The following ZDHHC18 variants were observed in gnomAD, a reference collection of about 807,000 sequenced individuals.
ZDHHC18 encodes palmitoyltransferase ZDHHC18.
Under a neutral mutation model 37.5 loss-of-function variants are expected in ZDHHC18, and 23 were observed. The observed-to-expected ratio is 0.61, with a 90% CI of 0.44 to 0.87. The LOEUF is 0.87. ZDHHC18 is among the 40% of genes least tolerant of loss of function. The probability of loss-of-function intolerance (pLI) is 0.00; values close to 1 mark genes in which losing one functional copy is unlikely to be tolerated. For missense variants in ZDHHC18, 406 were observed against 525.6 expected (o/e 0.77, Z 2.22); for synonymous variants, 185 against 218.7 (o/e 0.85, Z 1.36).
intron 3 of ZDHHC18, among the ~76,000 whole-genome samples, chr1:26,849,503 G>T (rs371901402): frequency 6.6e-6 from 1 of 152,244 alleles, no homozygotes; most frequent in Non-Finnish European, 1.5e-5. Flanking sequence ...TGCAGTGAAG[G>T]GGGTGACTCA....
chr1:26,846,742 T>C (rs2081667947), intron 2 of ZDHHC18, among the ~76,000 whole-genome samples: 1 of 152,188 alleles, frequency 6.6e-6, no homozygotes, highest in Admixed American at 6.6e-5. Context: ...CTTATTTGCA[T>C]ATATATGTTT....
At position 26,853,706 on chromosome 1, in the gene ZDHHC18, T is replaced by C; in HGVS notation, c.1050-20T>C. The C allele has an allele frequency of 6.2e-7, 1 of 1,611,358 alleles. No individual in the cohort carries two copies. The highest frequency in any genetic ancestry group is 8.5e-7 in the Non-Finnish European group (1 of 1,177,676). On this transcript the variant is annotated intron_variant, in intron 7 of 7. Coordinates refer to ENST00000374142, the MANE Select transcript of ZDHHC18 (RefSeq NM_032283.3). ...CAGTGTTGGGCAGAGCCCTCATGTG[T>C]CTCCCTTGTGTTTTGGAAGCCTAAT... is the stretch of plus-strand genomic sequence containing the variant.
chr1:26,850,356 T>C lies in ZDHHC18; in HGVS notation c.702T>C (p.Tyr234=), dbSNP rs2081695983. The change falls in exon 4 of 8, where the codon TAT becomes TAC. Residue 234 remains tyrosine (Y), a synonymous_variant. Transcript: ENST00000374142. This position sits in a 1 kb window ranked among gnomAD's most constrained non-coding sequence, Gnocchi z 6.1. ...WVGNCVGRRN[Y]RFFYAFILSL... ...GCAACTGTGTGGGGAGACGGAACTA[T>C]CGCTTCTTCTACGCGTTTATTCTCT... The C allele has an allele frequency of 6.2e-7, 1 of 1,614,232 alleles. No individual in the cohort carries two copies. Among genetic ancestry groups the C allele is most frequent in the Non-Finnish European group, 8.5e-7 (1 of 1,180,044 alleles).
At position 26,852,771 on chromosome 1, in the gene ZDHHC18, A is replaced by G. The variant is rs1212019897; in HGVS notation, c.955A>G (p.Ser319Gly). 5 of 1,613,978 alleles carry G rather than the reference A, an allele frequency of 3.1e-6. No homozygotes were observed. The highest frequency in any genetic ancestry group is 4.2e-6 in the Non-Finnish European group (5 of 1,179,962). ...TNEDIKGSWS[S>G]KRGGEASVNP... ...CTTGCAGATCAAAGGCTCGTGGTCCAGCAAGAGGGGCGGTGAGGCCTCTGT... is the reference window on the plus strand; with the variant it reads ...CTTGCAGATCAAAGGCTCGTGGTCCGGCAAGAGGGGCGGTGAGGCCTCTGT... Residue 319 changes from serine (S) to glycine (G), a missense_variant, in exon 7 of 8, where the codon AGC (serine) becomes GGC (glycine). Ser to Gly is a moderately conservative substitution (Grantham distance 56, BLOSUM62 0). Coordinates refer to ENST00000374142, the MANE Select transcript of ZDHHC18 (RefSeq NM_032283.3).
In ZDHHC18 at chr1:26,848,667, G is replaced by A. The variant is rs757115920; in HGVS notation, c.556G>A (p.Gly186Arg). 1.7e-5 allele frequency: 28 copies of A among 1,613,940 alleles called. No individual in the cohort carries two copies. Among genetic ancestry groups the A allele is most frequent in the African/African-American group, 2.7e-5 (2 of 74,910 alleles). The change falls in exon 3 of 8, where the codon GGG becomes AGG. Residue 186 changes from glycine (G) to arginine (R), a missense_variant. Gly to Arg is a moderately radical substitution (Grantham distance 125). Transcript: ENST00000374142. ...PPRTREVLIN[G>R]QMVKLKYCFT... is the part of the protein sequence containing the mutation. ...TCGGACCCGGGAGGTGCTGATCAAC[G>A]GGCAGATGGTGAAGCTGAAGTACTG...
At chr1:26,845,792 T>C (rs2081661106) in intron 2 of ZDHHC18, among the ~76,000 whole-genome samples, 1 of 152,008 alleles carries the variant, frequency 6.6e-6, no homozygotes, top group African/African-American at 2.4e-5. Flanking sequence ...GACAGGGTCT[T>C]GTTCTGTTGG....
intron 2 of ZDHHC18, among the ~76,000 whole-genome samples, chr1:26,844,344 A>AT (rs1300370409): frequency 6.6e-6 from 1 of 152,152 alleles, no homozygotes; most frequent in African/African-American, 2.4e-5. Flanking sequence ...CGGCCAGACA[A>AT]TGTTTATGAG....
At chr1:26,846,560 A>T (rs546722265) in intron 2 of ZDHHC18, among the ~76,000 whole-genome samples, 12 of 151,120 alleles carry the variant, frequency 7.9e-5, no homozygotes, top group Admixed American at 7.3e-4. Flanking sequence ...TGACCTCATG[A>T]TCCGCCTGCC....
intron 2 of ZDHHC18, among the ~76,000 whole-genome samples, chr1:26,836,571 TC>T (rs2081612812): frequency 1.3e-5 from 2 of 150,912 alleles, no homozygotes; most frequent in South Asian, 2.1e-4. Context: ...TTTCTTTTTT[TC>T]TTTTTTTTTT....
At chr1:26,837,297 T>C (rs893988019) in intron 2 of ZDHHC18, among the ~76,000 whole-genome samples, 5 of 147,050 alleles carry the variant, frequency 3.4e-5, no homozygotes, top group African/African-American at 1.2e-4. Flanking sequence ...ATTTATATAT[T>C]TACTACATAT....
At chr1:26,847,690 T>C (rs558673304) in intron 2 of ZDHHC18, among the ~76,000 whole-genome samples, 32 of 147,828 alleles carry the variant, frequency 2.2e-4, no homozygotes, top group Admixed American at 2.1e-3. Context: ...TCTCTCTCTC[T>C]TTTTTTTTTA....
chr1:26,843,316 T>TTA (rs2081647865), intron 2 of ZDHHC18, among the ~76,000 whole-genome samples: 1 of 151,178 alleles, frequency 6.6e-6, no homozygotes, highest in African/African-American at 2.4e-5. Context: ...CTAACTTTTG[T>TTA]GTTTTTAGTA....
chr1:26,843,541 C>G, intron 2 of ZDHHC18, among the ~76,000 whole-genome samples: 1 of 150,962 alleles, frequency 6.6e-6, no homozygotes, highest in Non-Finnish European at 1.5e-5. Flanking sequence ...GTAATACCAG[C>G]ACTTTGGGAG....
intron 2 of ZDHHC18, among the ~76,000 whole-genome samples, chr1:26,846,214 A>ATGTG (rs1444861975): frequency 1.1e-4 from 1 of 9,266 alleles, no homozygotes; most frequent in Admixed American, 1.5e-3. Context: ...ACACGTATAT[A>ATGTG]CATATATATG....
Position 26,850,915 on chromosome 1 carries a change from C to T in ZDHHC18, c.834-214C>T, listed in dbSNP as rs929794110. Among the ~76,000 whole-genome samples, 1 of 152,200 alleles carries T rather than the reference C, an allele frequency of 6.6e-6. No homozygotes were observed. The highest frequency in any genetic ancestry group is 6.5e-5 in the Admixed American group (1 of 15,276). ...ACCCTCAGTTTTCTCTGCCGTCCATCACCCTGACCTTGTCTGGCTCTTGAG... is the reference window on the plus strand; with the variant it reads ...ACCCTCAGTTTTCTCTGCCGTCCATTACCCTGACCTTGTCTGGCTCTTGAG... On this transcript the variant is annotated intron_variant, in intron 5 of 7. Transcript: ENST00000374142. This position sits in a 1 kb window ranked among gnomAD's most constrained non-coding sequence, Gnocchi z 6.1.
intron 2 of ZDHHC18, among the ~76,000 whole-genome samples, chr1:26,837,447 A>ATATG (rs894040631): frequency 6.9e-6 from 1 of 145,684 alleles, no homozygotes; most frequent in Non-Finnish European, 1.5e-5. Flanking sequence ...AACATATTTA[A>ATATG]TATATTATGT....
rs370474779 is a variant in ZDHHC18, at chr1:26,848,721, C to T, written c.610C>T (p.Arg204Ter). 27 of 1,613,954 alleles carry T rather than the reference C, an allele frequency of 1.7e-5. No individual in the cohort carries two copies. Among genetic ancestry groups the T allele is most frequent in the Middle Eastern group, 1.6e-4 (1 of 6,082 alleles). Reference sequence around the variant, plus strand: ...CACCTGCAAGATGTTCCGGCCACCCCGAACCTCACACTGCAGTGTCTGCGA... The same window carrying T: ...CACCTGCAAGATGTTCCGGCCACCCTGAACCTCACACTGCAGTGTCTGCGA... The part of the protein sequence containing the change: ...CFTCKMFRPP[R>*]TSHCSVCDNC... Residue 204 changes from arginine to a stop codon, truncating the protein, a stop_gained, in exon 3 of 8, where the codon CGA (arginine) becomes TGA (stop). Transcript: ENST00000374142. LOFTEE classifies it high-confidence loss of function.
At chr1:26,835,001 C>T (rs1278546050) in intron 2 of ZDHHC18, among the ~76,000 whole-genome samples, 4 of 152,208 alleles carry the variant, frequency 2.6e-5, no homozygotes, top group African/African-American at 4.8e-5. Context: ...GGAGCATCTT[C>T]TGCCTGGGGG....
In ZDHHC18 at chr1:26,855,839, C is replaced by G. The variant is rs2081731457; in HGVS notation, c.*1996C>G. Reference sequence around the variant, plus strand: ...GGGAGACTGTGAGAAGGCAGGCAGCCCAGTGATCTGGCTACATTTTCCCTC... The same window carrying G: ...GGGAGACTGTGAGAAGGCAGGCAGCGCAGTGATCTGGCTACATTTTCCCTC... On this transcript the variant is annotated 3_prime_UTR_variant, in exon 8 of 8. Transcript: ENST00000374142. 1 of 172,436 alleles carries G rather than the reference C, an allele frequency of 5.8e-6. No individual in the cohort carries two copies. Among genetic ancestry groups the G allele is most frequent in the African/African-American group, 2.4e-5 (1 of 42,456 alleles). 10.7% of individuals were successfully genotyped at this position (172,436 alleles called of 1,614,324 possible). A position where few individuals can be genotyped will look rare whatever the true frequency, so the allele number is the denominator to read the frequency against.
Sources: gnomAD v4.1 joint callset for allele counts (sites outside exome capture counted in the v4.1 genomes callset) on GRCh38, gnomAD v4.1.1 for gene constraint, Gnocchi (gnomAD v3.1) non-coding constraint, MANE v1.5 for transcripts, NCBI Gene and HGNC (gene_info 2026-07-23, HGNC 2026-07-21) for gene names.